The following PACRGL variants were observed in gnomAD, a reference collection of about 807,000 sequenced individuals.
PACRGL encodes PACRG-like protein.
A neutral mutation model predicts 34.5 loss-of-function variants in PACRGL; 38 were observed. The observed-to-expected ratio is 1.10, with a 90% confidence interval of 0.85 to 1.44. The LOEUF is 1.44. PACRGL is among the 40% of genes most tolerant of loss of function. The pLI, the probability that PACRGL is intolerant of heterozygous loss-of-function variation, is 0.00. For missense variants in PACRGL, 305 were observed against 281.4 expected, an observed-to-expected ratio of 1.08 and a Z score of -0.60; for synonymous variants, 128 against 100.1, an observed-to-expected ratio of 1.28 and a Z score of -1.66.
chr4:20,703,556 A>G (rs1028338625), intron 1 of PACRGL, among the ~76,000 whole-genome samples: 2 of 150,724 alleles, frequency 1.3e-5, no homozygotes, highest in African/African-American at 4.9e-5. Flanking sequence ...GTAGAAATTG[A>G]TTGGATTAGC....
At position 20,728,317 on chromosome 4, in the gene PACRGL, A is replaced by G. The variant is rs1390328407; in HGVS notation, c.*976A>G. 1 of 152,242 alleles carries G rather than the reference A, an allele frequency of 6.6e-6. No individual in the cohort carries two copies. The highest frequency in any genetic ancestry group is 1.5e-5 in the Non-Finnish European group (1 of 68,040). 9.4% of individuals were successfully genotyped at this position (152,242 alleles called of 1,614,324 possible). A position where few individuals can be genotyped will look rare whatever the true frequency, so the allele number is the denominator to read the frequency against. On this transcript the variant is annotated 3_prime_UTR_variant, in exon 9 of 9. Transcript: ENST00000503585. ...AGCCAGAAAATACTGATGTTCACTT[A>G]AAGATATTCAGCAATTAAAATGTTA...
At position 20,709,674 on chromosome 4, in the gene PACRGL, A is replaced by G. The variant is rs776302677; in HGVS notation, c.276-9A>G. ...TTTCTTGTTGCATTCACTAACTTTTATATTTTAGATTGGTACATGGTTCAG... is the reference window on the plus strand; with the variant it reads ...TTTCTTGTTGCATTCACTAACTTTTGTATTTTAGATTGGTACATGGTTCAG... On this transcript the variant is annotated splice_polypyrimidine_tract_variant and intron_variant, in intron 4 of 8. Coordinates refer to ENST00000503585, the MANE Select transcript of PACRGL (RefSeq NM_001258345.3). 3 of 1,549,730 alleles carry G rather than the reference A, an allele frequency of 1.9e-6. No homozygotes were observed. The highest frequency in any genetic ancestry group is 4.5e-5 in the East Asian group (2 of 44,328).
At chr4:20,711,596 G>GA (rs140221817) in intron 5 of PACRGL, among the ~76,000 whole-genome samples, 27,351 of 152,030 alleles carry the variant, frequency 0.18, 2,561 homozygotes, top group Non-Finnish European at 0.22. Context: ...CAAATTATTT[G>GA]AAAATTGGTT....
At chr4:20,763,098 C>T in the PACRGL span, among the ~76,000 whole-genome samples, 1 of 152,078 alleles carries the variant, frequency 6.6e-6, no homozygotes, top group African/African-American at 2.4e-5. Flanking sequence ...CCCTTGACAC[C>T]TGGGGATTAT....
the PACRGL span, among the ~76,000 whole-genome samples, chr4:20,765,931 T>C: frequency 6.6e-6 from 1 of 152,162 alleles, no homozygotes; most frequent in African/African-American, 2.4e-5. Flanking sequence ...AGATATGCAA[T>C]GAATACTATG....
intron 8 of PACRGL, among the ~76,000 whole-genome samples, chr4:20,738,766 AGT>A (rs1378009408): frequency 6.6e-6 from 1 of 152,088 alleles, no homozygotes; most frequent in Non-Finnish European, 1.5e-5. Context: ...CAGCCCACAG[AGT>A]GTGAGCCGAA....
downstream of PACRGL, among the ~76,000 whole-genome samples, chr4:20,734,458 C>G (rs1201314198): frequency 1.3e-5 from 2 of 152,160 alleles, no homozygotes; most frequent in African/African-American, 4.8e-5. Context: ...GGAGCTTCAC[C>G]ATAAACTACT....
chr4:20,742,745 T>C (rs1262468528), intron 8 of PACRGL, among the ~76,000 whole-genome samples: 1 of 152,080 alleles, frequency 6.6e-6, no homozygotes, highest in African/African-American at 2.4e-5. Context: ...AAATAAAGGG[T>C]ATTCAATTAG....
chr4:20,713,011 C>T lies in PACRGL; in HGVS notation c.501+89C>T, dbSNP rs1366872618. 3.1e-6 allele frequency: 4 copies of T among 1,291,160 alleles called. No individual in the cohort carries two copies. The Admixed American group carries it at 8.1e-5, about 26-fold the overall frequency. The allele number at this position is 1,291,160 out of a possible 1,614,324, so 80.0% of individuals were successfully genotyped here. ...ATTTAGAATATTGTATGCCTTTTTCCCTCCATATTATATGCAAAGTAGTCC... is the reference window on the plus strand; with the variant it reads ...ATTTAGAATATTGTATGCCTTTTTCTCTCCATATTATATGCAAAGTAGTCC... On this transcript the variant is annotated intron_variant, in intron 6 of 8. Coordinates refer to ENST00000503585, the MANE Select transcript of PACRGL (RefSeq NM_001258345.3).
intron 8 of PACRGL, among the ~76,000 whole-genome samples, chr4:20,745,291 T>C (rs1319035184): frequency 6.6e-6 from 1 of 152,188 alleles, no homozygotes; most frequent in Non-Finnish European, 1.5e-5. Flanking sequence ...TGACATCTAA[T>C]TCACATCTTC....
At chr4:20,713,331 C>A in intron 6 of PACRGL, 101 bp from the exon 7 acceptor site, 2 of 805,864 alleles carry the variant, frequency 2.5e-6, no homozygotes, top group South Asian at 3.5e-5. Context: ...TAATCTTATC[C>A]TTTTCTCTAC....
At chr4:20,698,591 C>T (rs923799217), upstream of PACRGL, among the ~76,000 whole-genome samples, 1 of 152,194 alleles carries the variant, frequency 6.6e-6, no homozygotes, top group African/African-American at 2.4e-5. Context: ...AAAGCACCCA[C>T]CACTTATTGC....
In PACRGL at chr4:20,704,740, A is replaced by T; in HGVS notation, c.133A>T (p.Thr45Ser). ...AVQGSKSSLS[T>S]SSPESARKLH... ...TCAGGGAAGCAAATCCTCATTGTCA[A>T]CCAGTTCTCCAGAGTCTGCAAGAAA... is the stretch of plus-strand genomic sequence containing the variant. Residue 45 changes from threonine (T) to serine (S), a missense_variant, in exon 3 of 9, where the codon ACC becomes TCC. By Grantham distance (58) the Thr-to-Ser change is moderately conservative. Transcript: ENST00000503585. 6.2e-7 allele frequency: 1 copy of T among 1,614,104 alleles called. No homozygotes were observed. The highest frequency in any genetic ancestry group is 1.1e-5 in the South Asian group (1 of 91,088).
chr4:20,761,715 T>C, the PACRGL span, among the ~76,000 whole-genome samples: 1 of 152,298 alleles, frequency 6.6e-6, no homozygotes, highest in Non-Finnish European at 1.5e-5. Context: ...ATATATTTGA[T>C]AGATATAATG....
chr4:20,762,039 G>C, the PACRGL span, among the ~76,000 whole-genome samples: 1 of 152,056 alleles, frequency 6.6e-6, no homozygotes, highest in Non-Finnish European at 1.5e-5. Context: ...CTTTGTTCAG[G>C]CTCCTTTAAC....
At chr4:20,710,090 G>A (rs1325041176) in intron 5 of PACRGL, among the ~76,000 whole-genome samples, 1 of 152,102 alleles carries the variant, frequency 6.6e-6, no homozygotes, top group Non-Finnish European at 1.5e-5. Flanking sequence ...AGTGAAATAA[G>A]GAAAACATCA....
At chr4:20,753,552 GA>G (rs1754004828), downstream of PACRGL, among the ~76,000 whole-genome samples, 3 of 152,172 alleles carry the variant, frequency 2.0e-5, no homozygotes, top group Admixed American at 2.0e-4. Flanking sequence ...TTTGTAGAAT[GA>G]AATCAATCTG....
At position 20,728,765 on chromosome 4, in the gene PACRGL, T is replaced by TATCTC. The variant is rs1553880749; in HGVS notation, c.*1425_*1429dup. 6.6e-6 allele frequency: 1 copy of TATCTC among 152,544 alleles called. No individual in the cohort carries two copies. The highest frequency in any genetic ancestry group is 1.5e-5 in the Non-Finnish European group (1 of 68,006). The allele number at this position is 152,544 out of a possible 1,614,324, so 9.4% of individuals were successfully genotyped here. On this transcript the variant is annotated 3_prime_UTR_variant, in exon 9 of 9. Transcript: ENST00000503585. ...GATAGCAGGGCAGCTTTCAACATCCTATCTCTACACCAGAATAGATACCTG... is the reference window on the plus strand; with the variant it reads ...GATAGCAGGGCAGCTTTCAACATCCTATCTCATCTCTACACCAGAATAGATACCTG...
At chr4:20,733,083 A>G (rs979569916), downstream of PACRGL, among the ~76,000 whole-genome samples, 1 of 152,182 alleles carries the variant, frequency 6.6e-6, no homozygotes, top group Non-Finnish European at 1.5e-5. Flanking sequence ...TTGGATTTCT[A>G]TAGACTTTAA....
Sources: allele counts gnomAD v4.1 joint callset (sites outside exome capture counted in the v4.1 genomes callset), GRCh38; gene constraint gnomAD v4.1.1; transcripts MANE v1.5; gene names NCBI Gene and HGNC (gene_info 2026-07-23, HGNC 2026-07-21).